PLCB1: variants seen among roughly 807,000 people sequenced by gnomAD.
PLCB1 encodes 1-phosphatidylinositol 4,5-bisphosphate phosphodiesterase beta-1.
Under a neutral mutation model 161.8 loss-of-function variants are expected in PLCB1, and 46 were observed. The observed-to-expected ratio is 0.28, with a 90% CI of 0.22 to 0.36. The LOEUF (loss-of-function observed/expected upper bound fraction) is 0.36. Among genes scored for constraint, PLCB1 ranks in the 10% least tolerant of loss-of-function variants. The pLI, the probability that PLCB1 is intolerant of heterozygous loss-of-function variation, is 1.00. For missense variants in PLCB1, 1,016 were observed against 1,472.5 expected, an observed-to-expected ratio of 0.69 and a Z score of 5.07; for synonymous variants, 517 against 503.7, an observed-to-expected ratio of 1.03 and a Z score of -0.35.
chr20:8,624,221 T>C (rs1988267244), intron 3 of PLCB1, among the ~76,000 whole-genome samples: 1 of 152,190 alleles, frequency 6.6e-6, no homozygotes, highest in Non-Finnish European at 1.5e-5. Flanking sequence ...TGATGATTGA[T>C]AGGAATGGAT....
At chr20:8,383,132 A>T (rs1987314935) in intron 3 of PLCB1, among the ~76,000 whole-genome samples, 1 of 152,052 alleles carries the variant, frequency 6.6e-6, no homozygotes, top group African/African-American at 2.4e-5. Flanking sequence ...TGACAGTGGG[A>T]TGTTAAAGTC....
At chr20:8,376,738 C>G (rs1987097339) in intron 3 of PLCB1, among the ~76,000 whole-genome samples, 1 of 151,954 alleles carries the variant, frequency 6.6e-6, no homozygotes, top group African/African-American at 2.4e-5. Context: ...ACCATCCTGG[C>G]TAACACAGTG....
chr20:8,859,503 C>G (rs1290445818), intron 31 of PLCB1, among the ~76,000 whole-genome samples: 1 of 152,138 alleles, frequency 6.6e-6, no homozygotes, highest in East Asian at 1.9e-4. Context: ...AAGTTCTGCT[C>G]TCCCGCACAG....
chr20:8,332,834 T>C (rs1468163483), intron 2 of PLCB1, among the ~76,000 whole-genome samples: 1 of 152,206 alleles, frequency 6.6e-6, no homozygotes, highest in African/African-American at 2.4e-5. Context: ...AACTTTACCA[T>C]GTATAAGATG....
chr20:8,569,890 G>A (rs6086505), intron 3 of PLCB1, among the ~76,000 whole-genome samples: 8,964 of 152,130 alleles, frequency 0.059, 557 homozygotes, highest in East Asian at 0.36. Flanking sequence ...TATTTGCAAG[G>A]AACAGAAAAT....
intron 25 of PLCB1, among the ~76,000 whole-genome samples, chr20:8,763,052 G>GC (rs1466715741): frequency 3.9e-5 from 6 of 152,214 alleles, no homozygotes; most frequent in South Asian, 2.1e-4. Context: ...CAGTTGTAAA[G>GC]CATCCTACGT....
intron 3 of PLCB1, among the ~76,000 whole-genome samples, chr20:8,550,728 G>GT (rs1985746248): frequency 6.6e-6 from 1 of 152,090 alleles, no homozygotes; most frequent in Non-Finnish European, 1.5e-5. Flanking sequence ...TTGCTTTTAA[G>GT]CTTTTTCTAT....
At chr20:8,478,754 T>C (rs986526871) in intron 3 of PLCB1, among the ~76,000 whole-genome samples, 1 of 152,160 alleles carries the variant, frequency 6.6e-6, no homozygotes, top group Non-Finnish European at 1.5e-5. Context: ...TTTGTAATTT[T>C]TGCTAACTTC....
Position 8,697,906 on chromosome 20 carries a change from G to A in PLCB1, c.1167+123G>A. On this transcript the variant is annotated intron_variant, in intron 11 of 31. Coordinates refer to ENST00000338037, the MANE Select transcript of PLCB1 (RefSeq NM_015192.4). ...AGTCCAAAGGCTGTTAATCATCTTT[G>A]CAATTTCAGAGGCTAAAATTTGGCT... 2 of 833,862 alleles carry A rather than the reference G, an allele frequency of 2.4e-6. 1 individual carries two copies. The highest frequency in any genetic ancestry group is 3.5e-6 in the Non-Finnish European group (2 of 564,320). The allele number at this position is 833,862 out of a possible 1,614,324, so 51.7% of individuals were successfully genotyped here.
Position 8,381,900 on chromosome 20 carries a change from A to G in PLCB1, c.246+10450A>G, listed in dbSNP as rs185774999. On this transcript the variant is annotated intron_variant, in intron 3 of 31. Transcript: ENST00000338037. The stretch of plus-strand genomic sequence containing the variant: ...TAATTTTTTCGGGAAAAAAAGAAGA[A>G]GCTCCTGGATTCATTGATTTTTTTT... 2.3e-3 allele frequency among the ~76,000 whole-genome samples: 343 copies of G among 151,764 alleles called. 2 individuals carry two copies. Among genetic ancestry groups the G allele is most frequent in the East Asian group, 0.021 (111 of 5,178 alleles).
At chr20:8,524,235 A>G (rs1014845107) in intron 3 of PLCB1, among the ~76,000 whole-genome samples, 1 of 152,178 alleles carries the variant, frequency 6.6e-6, no homozygotes, top group Non-Finnish European at 1.5e-5. Context: ...AAAAATAAAC[A>G]TTTAAAATAC....
At chr20:8,259,884 A>G (rs961579120) in intron 2 of PLCB1, among the ~76,000 whole-genome samples, 1 of 152,148 alleles carries the variant, frequency 6.6e-6, no homozygotes, top group Admixed American at 6.5e-5. Context: ...CAATCATTAC[A>G]TTGATTTTCC....
At chr20:8,485,990 A>G (rs1443407800) in intron 3 of PLCB1, among the ~76,000 whole-genome samples, 4 of 152,316 alleles carry the variant, frequency 2.6e-5, no homozygotes, top group African/African-American at 4.8e-5. Context: ...GAAACTTACA[A>G]TCGTGGTGGA....
At chr20:8,467,277 G>A (rs1036314726) in intron 3 of PLCB1, among the ~76,000 whole-genome samples, 7 of 152,088 alleles carry the variant, frequency 4.6e-5, no homozygotes, top group African/African-American at 1.7e-4. Flanking sequence ...TTTGCCAAAT[G>A]CCTTCCTGAA....
intron 3 of PLCB1, among the ~76,000 whole-genome samples, chr20:8,402,738 G>A (rs975341727): frequency 5.3e-5 from 8 of 151,650 alleles, no homozygotes; most frequent in Non-Finnish European, 1.2e-4. Flanking sequence ...CTAGCTACTC[G>A]GGAGGCTGAG....
At chr20:8,622,039 C>T (rs770330823) in intron 3 of PLCB1, among the ~76,000 whole-genome samples, 2 of 151,748 alleles carry the variant, frequency 1.3e-5, no homozygotes, top group Non-Finnish European at 2.9e-5. Context: ...AGGCGGATCA[C>T]GAGGTCAAGA....
At chr20:8,191,057 A>G (rs891021770) in intron 2 of PLCB1, among the ~76,000 whole-genome samples, 6 of 152,070 alleles carry the variant, frequency 3.9e-5, no homozygotes, top group African/African-American at 1.4e-4. Flanking sequence ...AAGAGTATAT[A>G]CATGCATAAG....
At chr20:8,553,149 G>C (rs1820248879) in intron 3 of PLCB1, among the ~76,000 whole-genome samples, 2 of 152,120 alleles carry the variant, frequency 1.3e-5, no homozygotes, top group Non-Finnish European at 2.9e-5. Context: ...GAATAAGGGT[G>C]ATTTTATAAC....
At chr20:8,307,409 T>C (rs1392231873) in intron 2 of PLCB1, among the ~76,000 whole-genome samples, 1 of 152,212 alleles carries the variant, frequency 6.6e-6, no homozygotes, top group Non-Finnish European at 1.5e-5. Context: ...AATCCATTGA[T>C]TAACTACAGA....
Sources: gnomAD v4.1 joint callset for allele counts (sites outside exome capture counted in the v4.1 genomes callset) on GRCh38, gnomAD v4.1.1 for gene constraint, MANE v1.5 for transcripts, NCBI Gene and HGNC (gene_info 2026-07-23, HGNC 2026-07-21) for gene names.